SULF2: variants seen among roughly 807,000 people sequenced by gnomAD.
SULF2 encodes the protein extracellular sulfatase Sulf-2.
SULF2 carries 52 observed loss-of-function variants against 107.7 expected under a neutral mutation model. The observed-to-expected ratio is 0.48, with a 90% CI of 0.39 to 0.61. The LOEUF is 0.61. SULF2 is among the 20% of genes least tolerant of loss of function. SULF2 has a pLI of 0.00. For missense variants in SULF2, 993 were observed against 1,177.3 expected, an observed-to-expected ratio of 0.84 and a Z score of 2.29; for synonymous variants, 460 against 464.3, an observed-to-expected ratio of 0.99 and a Z score of 0.12.
At chr20:47,658,575 A>G (rs921551416) in intron 20 of SULF2, among the ~76,000 whole-genome samples, 183 bp from the exon 21 acceptor site, 2 of 152,172 alleles carry the variant, frequency 1.3e-5, no homozygotes, top group African/African-American at 2.4e-5. Context: ...TATACACCCA[A>G]TGCCTGGCAA....
intron 3 of SULF2, among the ~76,000 whole-genome samples, chr20:47,732,687 C>T (rs763206167): frequency 2.2e-4 from 33 of 152,136 alleles, no homozygotes; most frequent in Non-Finnish European, 1.6e-4. Flanking sequence ...ATTAAAAATA[C>T]AAAAAATTAG....
chr20:47,780,281 T>G (rs886803991), intron 1 of SULF2, among the ~76,000 whole-genome samples: 1 of 151,648 alleles, frequency 6.6e-6, no homozygotes, highest in Admixed American at 6.6e-5. Context: ...CCTCCCAAAG[T>G]GCTGAGATTT....
chr20:47,762,994 G>A (rs951396422), intron 1 of SULF2, among the ~76,000 whole-genome samples: 2 of 152,206 alleles, frequency 1.3e-5, no homozygotes, highest in African/African-American at 4.8e-5. Flanking sequence ...CTCTCCGGAT[G>A]CTGAAGAAAT....
intron 3 of SULF2, among the ~76,000 whole-genome samples, chr20:47,720,128 AT>A (rs58191853): frequency 6.6e-6 from 1 of 151,314 alleles, no homozygotes; most frequent in East Asian, 1.9e-4. Context: ...TTGTTCTTGT[AT>A]TTTTTATTAG....
At chr20:47,659,833 T>A (rs546892172) in intron 18 of SULF2, 103 bp from the exon 19 acceptor site, 2 of 844,340 alleles carry the variant, frequency 2.4e-6, no homozygotes, top group East Asian at 2.5e-5. Context: ...CACAATCCCA[T>A]GATGCTGATA....
intron 4 of SULF2, among the ~76,000 whole-genome samples, chr20:47,698,834 C>T (rs776069356): frequency 6.6e-6 from 1 of 152,084 alleles, no homozygotes; most frequent in Non-Finnish European, 1.5e-5. Flanking sequence ...GAGTTCGAGA[C>T]CAGCCTGACC....
chr20:47,771,911 TA>T, intron 1 of SULF2, among the ~76,000 whole-genome samples: 1 of 152,298 alleles, frequency 6.6e-6, no homozygotes, highest in South Asian at 2.1e-4. Flanking sequence ...TAGAGTTTTT[TA>T]CAGGCAGCTC....
chr20:47,753,465 G>A (rs1234581170), intron 2 of SULF2, among the ~76,000 whole-genome samples: 3 of 152,204 alleles, frequency 2.0e-5, no homozygotes, highest in African/African-American at 4.8e-5. Flanking sequence ...GAAACTGCCC[G>A]TCACCCTCAT....
chr20:47,717,935 C>T (rs1370914422), intron 3 of SULF2, among the ~76,000 whole-genome samples: 2 of 152,038 alleles, frequency 1.3e-5, no homozygotes, highest in Non-Finnish European at 2.9e-5. Flanking sequence ...CTGCCTCAGC[C>T]TCCCGAGTAG....
intron 1 of SULF2, among the ~76,000 whole-genome samples, chr20:47,784,107 C>T (rs1490072669): frequency 1.3e-5 from 2 of 152,074 alleles, no homozygotes; most frequent in Admixed American, 1.3e-4. Context: ...CAGAGAAAGC[C>T]CGTCTCTCCT....
At chr20:47,747,018 T>TATATATATATATACAC (rs1232551264) in intron 2 of SULF2, among the ~76,000 whole-genome samples, 19 of 75,100 alleles carry the variant, frequency 2.5e-4, no homozygotes, top group African/African-American at 6.9e-4. Context: ...TATATATATA[T>TATATATATATATACAC]ACACACACAC....
rs553725315 is a variant in SULF2, at chr20:47,765,196, T to C, written c.-100-7733A>G. Among the ~76,000 whole-genome samples the C allele has an allele frequency of 1.2e-4, 18 of 151,036 alleles. No homozygotes were observed. The South Asian group carries it at 3.6e-3, about 30-fold the overall frequency. The stretch of plus-strand genomic sequence containing the variant: ...GAAACCCCGTCTCTACTAAAAAAAA[T>C]ACAAAAAAATTAGCTGGGCGTGGTG... On this transcript the variant is annotated intron_variant, in intron 1 of 20. Transcript: ENST00000688720.
chr20:47,741,168 G>C lies in SULF2; in HGVS notation c.176-4226C>G, dbSNP rs542098171. On this transcript the variant is annotated intron_variant, in intron 2 of 20. Coordinates refer to ENST00000688720, the MANE Select transcript of SULF2 (RefSeq NM_001387048.1). ...GTCTCCTCTCCTGACACTCTCCGGG[G>C]CTCCTGCTCACTCAGAGGAGCCCAA... 1.3e-4 allele frequency among the ~76,000 whole-genome samples: 20 copies of C among 152,182 alleles called. No individual in the cohort carries two copies. The South Asian group carries it at 3.7e-3, about 28-fold the overall frequency.
intron 3 of SULF2, among the ~76,000 whole-genome samples, chr20:47,720,504 C>A (rs1053936899): frequency 6.6e-6 from 1 of 151,348 alleles, no homozygotes; most frequent in Non-Finnish European, 1.5e-5. Context: ...GTGATCCACC[C>A]ACCTTGGCCT....
rs892069053 is a variant in SULF2 at position 47,735,270 on chromosome 20, G to GA, written c.415+1432dup. Among the ~76,000 whole-genome samples the GA allele has an allele frequency of 7.0e-4, 107 of 152,222 alleles. 1 individual carries two copies. Among genetic ancestry groups the GA allele is most frequent in the African/African-American group, 2.5e-3 (104 of 41,540 alleles). ...TACAGACCTTTCACCCAGAGGTTGT[G>GA]AAAAGAGAGTCTGTGAGCCACACAC... On this transcript the variant is annotated intron_variant, in intron 3 of 20. Coordinates refer to ENST00000688720, the MANE Select transcript of SULF2 (RefSeq NM_001387048.1).
In SULF2 at chr20:47,663,694, G is replaced by A. The variant is rs2087166998; in HGVS notation, c.2058-72C>T. 6.7e-6 allele frequency: 10 copies of A among 1,482,494 alleles called. No homozygotes were observed. The South Asian group carries it at 1.3e-4, about 20-fold the overall frequency. The allele number at this position is 1,482,494 out of a possible 1,614,324, so 91.8% of individuals were successfully genotyped here. A position where few individuals can be genotyped will look rare whatever the true frequency, so the allele number is the denominator to read the frequency against. On this transcript the variant is annotated intron_variant, in intron 15 of 20. Coordinates refer to ENST00000688720, the MANE Select transcript of SULF2 (RefSeq NM_001387048.1). ...GTGACCCCATGTCTCTGCTCTTCCT[G>A]TCCACCTAAGGGCTTCGCTGAGGCT...
At chr20:47,687,321 G>T (rs527984413) in intron 5 of SULF2, among the ~76,000 whole-genome samples, 1 of 152,154 alleles carries the variant, frequency 6.6e-6, no homozygotes, top group East Asian at 1.9e-4. Flanking sequence ...GGAGGATGTC[G>T]GCATCTTCCC....
intron 7 of SULF2, among the ~76,000 whole-genome samples, chr20:47,682,299 C>A (rs529794516): frequency 6.6e-6 from 1 of 152,318 alleles, no homozygotes; most frequent in South Asian, 2.1e-4. Flanking sequence ...GTTCCCACAT[C>A]TGGGCATGAG....
chr20:47,659,284 A>C (rs1436395381), intron 20 of SULF2, 115 bp downstream of exon 20: 2 of 895,180 alleles, frequency 2.2e-6, no homozygotes, highest in Non-Finnish European at 3.6e-6. Context: ...CCCCACCCTC[A>C]TCATGAGAAC....
Sources: gnomAD v4.1 joint callset for allele counts (sites outside exome capture counted in the v4.1 genomes callset) on GRCh38, gnomAD v4.1.1 for gene constraint, MANE v1.5 for transcripts, NCBI Gene and HGNC (gene_info 2026-07-23, HGNC 2026-07-21) for gene names.